Variants in ROBO2 observed in about 807,000 individuals in gnomAD.
ROBO2 encodes the protein roundabout homolog 2.
A neutral mutation model predicts 160.8 loss-of-function variants in ROBO2; 53 were observed. The observed-to-expected ratio is 0.33, with a 90% CI of 0.26 to 0.41. ROBO2 has a LOEUF of 0.41. Among genes scored for constraint, ROBO2 ranks in the 10% least tolerant of loss-of-function variants. The pLI, the probability that ROBO2 is intolerant of heterozygous loss-of-function variation, is 1.00. For missense variants in ROBO2, 1,577 were observed against 1,722.4 expected (o/e 0.92, Z 1.49); for synonymous variants, 664 against 611.7 (o/e 1.09, Z -1.26).
At chr3:76,885,514 A>C (rs3884026) in intron 2 of ROBO2, among the ~76,000 whole-genome samples, 3,917 of 152,320 alleles carry the variant, frequency 0.026, 100 homozygotes, top group African/African-American at 0.06. Flanking sequence ...GTTAATAAGC[A>C]AGCCCATGAT....
At chr3:77,355,019 A>T (rs983123225) in intron 2 of ROBO2, among the ~76,000 whole-genome samples, 2 of 151,870 alleles carry the variant, frequency 1.3e-5, no homozygotes, top group Non-Finnish European at 2.9e-5. Context: ...GTGGGTTTTG[A>T]TAAGCACATG....
chr3:76,850,101 C>A (rs756465110), intron 2 of ROBO2, among the ~76,000 whole-genome samples: 6 of 152,096 alleles, frequency 3.9e-5, no homozygotes, highest in Non-Finnish European at 8.8e-5. Context: ...GCAGGAGAAT[C>A]ACTTGAACCT....
chr3:77,566,368 T>C (rs1025344821), intron 12 of ROBO2, among the ~76,000 whole-genome samples: 5 of 152,104 alleles, frequency 3.3e-5, no homozygotes, highest in South Asian at 2.1e-4. Context: ...AACAAGGAAT[T>C]TGAAAATCTG....
intron 2 of ROBO2, among the ~76,000 whole-genome samples, chr3:76,483,605 C>A (rs143832064): frequency 6.6e-6 from 1 of 152,240 alleles, no homozygotes; most frequent in African/African-American, 2.4e-5. Context: ...TACTCTAATT[C>A]ATTCAGGAAA....
At chr3:77,246,122 G>A (rs566094611) in intron 2 of ROBO2, among the ~76,000 whole-genome samples, 1 of 152,186 alleles carries the variant, frequency 6.6e-6, no homozygotes, top group Admixed American at 6.5e-5. Context: ...ATAATTTGTA[G>A]CTAGAAAGCT....
rs568671036 is a variant in ROBO2 at position 75,987,190 on chromosome 3, A to G, written c.109+49588A>G. On this transcript the variant is annotated intron_variant, in intron 2 of 26. Coordinates refer to the ROBO2 transcript ENST00000487694. ...TCTTAAAAATATTAAGTCTTCCAAC[A>G]CATGGACATGGAATATCTTTCCGTT... Among the ~76,000 whole-genome samples the G allele has an allele frequency of 5.9e-5, 9 of 152,058 alleles. No homozygotes were observed. The South Asian group carries it at 1.9e-3, about 31-fold the overall frequency.
At chr3:77,153,262 A>G (rs62251810) in intron 2 of ROBO2, among the ~76,000 whole-genome samples, 2,949 of 152,082 alleles carry the variant, frequency 0.019, 45 homozygotes, top group Middle Eastern at 0.048. Context: ...TATGAATTCA[A>G]TATCGTTACT....
At chr3:77,397,140 G>GA (rs1336765353) in intron 2 of ROBO2, among the ~76,000 whole-genome samples, 3 of 151,954 alleles carry the variant, frequency 2.0e-5, no homozygotes, top group Non-Finnish European at 4.4e-5. Flanking sequence ...AGTTTCTGGG[G>GA]AAAAAATTGC....
In ROBO2 at chr3:77,558,117, G is replaced by A. The variant is rs748525331; in HGVS notation, c.1405G>A (p.Glu469Lys). 15 of 1,613,110 alleles carry A rather than the reference G, an allele frequency of 9.3e-6. 1 individual carries two copies. Among genetic ancestry groups the A allele is most frequent in the Admixed American group, 1.7e-5 (1 of 59,906 alleles). ...TAGAGATCCAAGAGCAACAATTCAA[G>A]AGCAAGGCACACTGCAGATTAAGAA... Residue 469 changes from glutamate (E) to lysine (K), a missense_variant, in exon 9 of 26, where the codon GAG (glutamate) becomes AAG (lysine). Glu to Lys is a moderately conservative substitution (Grantham distance 56). Transcript: ENST00000461745.
At chr3:77,457,686 G>A (rs1445821706) in intron 2 of ROBO2, among the ~76,000 whole-genome samples, 1 of 151,980 alleles carries the variant, frequency 6.6e-6, no homozygotes, top group Non-Finnish European at 1.5e-5. Flanking sequence ...TAAATGACTA[G>A]ATTTTATTCT....
Position 77,407,591 on chromosome 3 carries a change from T to A in ROBO2, c.389-69823T>A, listed in dbSNP as rs77758272. 1.9e-3 allele frequency among the ~76,000 whole-genome samples: 283 copies of A among 152,316 alleles called. 3 individuals carry two copies. In the East Asian group the frequency reaches 0.042, roughly 23 times the overall value. ...TGCCTACTGGCCTAAGGTTTCTCCA[T>A]CACTCCTGCAGCGTTTACTTTATGT... On this transcript the variant is annotated intron_variant, in intron 2 of 25. Coordinates refer to ENST00000461745, the Ensembl canonical transcript of ROBO2.
At chr3:77,231,234 G>A (rs1389738310) in intron 2 of ROBO2, among the ~76,000 whole-genome samples, 1 of 151,654 alleles carries the variant, frequency 6.6e-6, no homozygotes. Flanking sequence ...GTGGTGGTGG[G>A]CACCTGTAAT....
At chr3:76,549,577 CTGT>C in intron 2 of ROBO2, among the ~76,000 whole-genome samples, 1 of 152,286 alleles carries the variant, frequency 6.6e-6, no homozygotes, top group African/African-American at 2.4e-5. Flanking sequence ...GAAAATATGC[CTGT>C]ACCTGAGAAT....
At chr3:76,913,820 G>C (rs2076141907) in intron 2 of ROBO2, among the ~76,000 whole-genome samples, 1 of 151,974 alleles carries the variant, frequency 6.6e-6, no homozygotes. Flanking sequence ...GAGTAACTGT[G>C]AATAATACTC....
chr3:77,299,604 A>C (rs905160783), intron 2 of ROBO2, among the ~76,000 whole-genome samples: 1 of 152,180 alleles, frequency 6.6e-6, no homozygotes, highest in Non-Finnish European at 1.5e-5. Context: ...TCATGAGAAC[A>C]GCATAGGAGT....
chr3:75,960,023 G>T (rs2107267296), intron 2 of ROBO2, among the ~76,000 whole-genome samples: 1 of 151,864 alleles, frequency 6.6e-6, no homozygotes, highest in Non-Finnish European at 1.5e-5. Context: ...TTTAATGATT[G>T]CAGGGCAGCT....
In ROBO2 at chr3:76,825,603, C is replaced by CAAAAAAAAAAAAAA. The variant is rs201063990; in HGVS notation, c.110-272395_110-272382dup. 7.0e-4 allele frequency among the ~76,000 whole-genome samples: 51 copies of CAAAAAAAAAAAAAA among 72,482 alleles called. 1 individual carries two copies. Among genetic ancestry groups the CAAAAAAAAAAAAAA allele is most frequent in the Non-Finnish European group, 9.6e-4 (42 of 43,960 alleles). 47.6% of individuals were successfully genotyped at this position (72,482 alleles called of 152,430 possible). A position where few individuals can be genotyped will look rare whatever the true frequency, so the allele number is the denominator to read the frequency against. ...GAGTCTACCCTTTCATCATCTTAGC[C>CAAAAAAAAAAAAAA]AAAAAAAAAAAAAAAAAAAAAAAAA... On this transcript the variant is annotated intron_variant, in intron 2 of 26. Transcript: ENST00000487694.
At chr3:77,534,809 A>T (rs975183910) in intron 6 of ROBO2, among the ~76,000 whole-genome samples, 1 of 152,194 alleles carries the variant, frequency 6.6e-6, no homozygotes, top group East Asian at 1.9e-4. Flanking sequence ...GCTCTTTGTC[A>T]GTAAATACAT....
chr3:76,121,904 C>T (rs898382617), intron 2 of ROBO2, among the ~76,000 whole-genome samples: 1 of 152,152 alleles, frequency 6.6e-6, no homozygotes, highest in Non-Finnish European at 1.5e-5. Flanking sequence ...CAGATTTTTA[C>T]TTGACTATTT....
Sources: gnomAD v4.1 joint callset for allele counts (sites outside exome capture counted in the v4.1 genomes callset) on GRCh38, gnomAD v4.1.1 for gene constraint, MANE v1.5 for transcripts, NCBI Gene and HGNC (gene_info 2026-07-23, HGNC 2026-07-21) for gene names.